The following NTAN1 variants were observed in gnomAD, a reference collection of about 807,000 sequenced individuals.
The protein encoded by NTAN1 is protein N-terminal asparagine amidohydrolase.
NTAN1 carries 32 observed loss-of-function variants against 41.9 expected under a neutral mutation model. The observed-to-expected ratio is 0.76, with a 90% CI of 0.58 to 1.03. The LOEUF (loss-of-function observed/expected upper bound fraction) is 1.03, where lower values mean the gene tolerates loss of function less well. Among genes scored for constraint, NTAN1 ranks in the 50% least tolerant of loss-of-function variants. The probability of loss-of-function intolerance (pLI) is 0.00; values close to 1 mark genes in which losing one functional copy is unlikely to be tolerated. For missense variants in NTAN1, 377 were observed against 377.5 expected (o/e 1.00, Z 0.01); for synonymous variants, 140 against 139.5 (o/e 1.00, Z -0.03).
chr16:15,042,899 ATTT>A (rs1193801850), intron 5 of NTAN1, among the ~76,000 whole-genome samples: 3 of 121,482 alleles, frequency 2.5e-5, no homozygotes, highest in Admixed American at 8.7e-5. Flanking sequence ...TGCCCAGCTA[ATTT>A]TTTTTTTTTT....
At chr16:15,039,722 A>C (rs887965998) in intron 8 of NTAN1, among the ~76,000 whole-genome samples, 1 of 152,262 alleles carries the variant, frequency 6.6e-6, no homozygotes, top group South Asian at 2.1e-4. Flanking sequence ...TTGAATTCGG[A>C]TGCTGGGGTT....
intron 7 of NTAN1, among the ~76,000 whole-genome samples, chr16:15,040,659 G>T (rs2043773987): frequency 6.6e-6 from 1 of 152,066 alleles, no homozygotes; most frequent in Non-Finnish European, 1.5e-5. Flanking sequence ...CTGTTCTCAA[G>T]CAAAACCTTC....
chr16:15,051,911 T>A (rs2044308083), intron 1 of NTAN1, among the ~76,000 whole-genome samples: 1 of 152,004 alleles, frequency 6.6e-6, no homozygotes, highest in African/African-American at 2.4e-5. Context: ...TAGCCAAACT[T>A]CCCTTCTTTG....
At position 15,047,528 on chromosome 16, in the gene NTAN1, T is replaced by A; in HGVS notation, c.273A>T (p.Thr91=). 6.2e-7 allele frequency: 1 copy of A among 1,613,872 alleles called. No individual in the cohort carries two copies. Among genetic ancestry groups the A allele is most frequent in the African/African-American group, 1.3e-5 (1 of 75,046 alleles). The change falls in exon 4 of 10, where the codon ACA becomes ACT. Residue 91 remains threonine, a synonymous_variant. Coordinates refer to ENST00000287706, the MANE Select transcript of NTAN1 (RefSeq NM_173474.4). ...CTTTGGTGTCGGTTCCGTCACAATG[T>A]GTCAAGCAGGTGGCCCCATTACCTG... ...RHTGNGATCL[T]HCDGTDTKAE...
In NTAN1 at chr16:15,056,031, G is replaced by C. The variant is rs1001284590; in HGVS notation, c.-60C>G. ...CGGCGGCCCCCCGCTTTGCAGCCCCGGGCCGCCCGCCGCCCCCGCCCCTCG... is the reference window on the plus strand; with the variant it reads ...CGGCGGCCCCCCGCTTTGCAGCCCCCGGCCGCCCGCCGCCCCCGCCCCTCG... On this transcript the variant is annotated 5_prime_UTR_variant, in exon 1 of 10. Transcript: ENST00000287706. 1.3e-5 allele frequency: 11 copies of C among 837,220 alleles called. No individual in the cohort carries two copies. Among genetic ancestry groups the C allele is most frequent in the South Asian group, 5.5e-5 (1 of 18,064 alleles). 51.9% of individuals were successfully genotyped at this position (837,220 alleles called of 1,614,324 possible).
At position 15,047,916 on chromosome 16, in the gene NTAN1, G is replaced by A; in HGVS notation, c.189C>T (p.Ser63=). The change falls in exon 3 of 10, where the codon TCC becomes TCT. Residue 63 remains serine (S), a synonymous_variant. Coordinates refer to ENST00000287706, the MANE Select transcript of NTAN1 (RefSeq NM_173474.4). ...ELAVTSPKDG[S]ISILGSDDAT... ...CATCATCAGAACCCAGAATGGAGAT[G>A]GAGCCTGTTTAAAAAAGAAATAAAA... 1 of 1,613,152 alleles carries A rather than the reference G, an allele frequency of 6.2e-7. No homozygotes were observed. The highest frequency in any genetic ancestry group is 8.5e-7 in the Non-Finnish European group (1 of 1,179,096).
rs1264667603 is a variant in NTAN1 at position 15,051,755 on chromosome 16, C to T, written c.82-3656G>A. On this transcript the variant is annotated intron_variant, in intron 1 of 9. Transcript: ENST00000287706. The stretch of plus-strand genomic sequence containing the variant: ...TCACTCTGTTGCCCAGGCTGAAGTG[C>T]TGTGGCCAGATCATAGCTCACTGCA... 3.5e-5 allele frequency among the ~76,000 whole-genome samples: 5 copies of T among 140,918 alleles called. No homozygotes were observed. In the Middle Eastern group the frequency reaches 0.013, roughly 368 times the overall value. 92.4% of individuals were successfully genotyped at this position (140,918 alleles called of 152,430 possible).
At chr16:15,051,819 G>A (rs1169037581) in intron 1 of NTAN1, among the ~76,000 whole-genome samples, 1 of 150,580 alleles carries the variant, frequency 6.6e-6, no homozygotes, top group Non-Finnish European at 1.5e-5. Context: ...TCCCACCTCA[G>A]CCTCCTTTGC....
At position 15,037,915 on chromosome 16, in the gene NTAN1, TGAG is replaced by T; in HGVS notation, c.*113_*115del. Reference sequence around the variant, plus strand: ...TTGATGAAAGTCATTTGAAAGACACTGAGGAGGGAAGGAGGCCTAAGACCCAAC... The same window carrying T: ...TTGATGAAAGTCATTTGAAAGACACTGAGGGAAGGAGGCCTAAGACCCAAC... On this transcript the variant is annotated 3_prime_UTR_variant, in exon 10 of 10. Transcript: ENST00000287706. The T allele has an allele frequency of 1.6e-6, 1 of 644,076 alleles. No homozygotes were observed. Among genetic ancestry groups the T allele is most frequent in the Admixed American group, 2.7e-5 (1 of 37,344 alleles). The allele number at this position is 644,076 out of a possible 1,614,324, so 39.9% of individuals were successfully genotyped here.
chr16:15,055,313 T>C (rs1409185823), intron 1 of NTAN1, among the ~76,000 whole-genome samples: 2 of 152,184 alleles, frequency 1.3e-5, no homozygotes, highest in Non-Finnish European at 2.9e-5. Context: ...GGCGTGGTCC[T>C]ATGGCCCAGC....
Position 15,056,016 on chromosome 16 carries a change from C to G in NTAN1, c.-45G>C, listed in dbSNP as rs902013703. The G allele has an allele frequency of 8.5e-6, 9 of 1,059,886 alleles. No individual in the cohort carries two copies. The highest frequency in any genetic ancestry group is 4.7e-5 in the Admixed American group (1 of 21,324). 65.7% of individuals were successfully genotyped at this position (1,059,886 alleles called of 1,614,324 possible). A position where few individuals can be genotyped will look rare whatever the true frequency, so the allele number is the denominator to read the frequency against. On this transcript the variant is annotated 5_prime_UTR_variant, in exon 1 of 10. Coordinates refer to ENST00000287706, the MANE Select transcript of NTAN1 (RefSeq NM_173474.4). ...GCAGGCCCAGGGAGGCGGCGGCCCC[C>G]CGCTTTGCAGCCCCGGGCCGCCCGC... is the stretch of plus-strand genomic sequence containing the variant.
At chr16:15,039,550 G>A (rs376499292) in intron 8 of NTAN1, among the ~76,000 whole-genome samples, 2 of 152,102 alleles carry the variant, frequency 1.3e-5, no homozygotes, top group Non-Finnish European at 2.9e-5. Context: ...ATTATTTTGG[G>A]TTAATTAAAT....
At chr16:15,041,598 CT>C (rs2043818657) in intron 6 of NTAN1, 24 bp downstream of exon 6, 1 of 1,580,138 alleles carries the variant, frequency 6.3e-7, no homozygotes, top group African/African-American at 1.3e-5. Context: ...CACATCTTTG[CT>C]TTGGGGCAAA....
chr16:15,049,157 G>T lies in NTAN1; in HGVS notation c.82-1058C>A, dbSNP rs569838517. On this transcript the variant is annotated intron_variant, in intron 1 of 9. Transcript: ENST00000287706. ...AATCCACCCACCCTGGCCTCCCAAA[G>T]TGCTGGGAGTACAGGCACACACCGC... is the stretch of plus-strand genomic sequence containing the variant. Among the ~76,000 whole-genome samples the T allele has an allele frequency of 1.7e-4, 25 of 150,718 alleles. No individual in the cohort carries two copies. The Middle Eastern group carries it at 0.021, about 127-fold the overall frequency.
intron 5 of NTAN1, among the ~76,000 whole-genome samples, chr16:15,043,148 C>T (rs2043898129): frequency 6.6e-6 from 1 of 152,158 alleles, no homozygotes; most frequent in South Asian, 2.1e-4. Context: ...GATCGGCCTG[C>T]CTTGAACTCC....
At position 15,052,837 on chromosome 16, in the gene NTAN1, T is replaced by A. The variant is rs192581522; in HGVS notation, c.81+3054A>T. ...AAGGCTCTGTCTCTCAAAAAAAAAATAAATAAATAAATAATAAAAGCAGGA... is the reference window on the plus strand; with the variant it reads ...AAGGCTCTGTCTCTCAAAAAAAAAAAAAATAAATAAATAATAAAAGCAGGA... On this transcript the variant is annotated intron_variant, in intron 1 of 9. Transcript: ENST00000287706. Among the ~76,000 whole-genome samples the A allele has an allele frequency of 9.7e-3, 1,467 of 151,392 alleles. 12 individuals carry two copies. The highest frequency in any genetic ancestry group is 0.024 in the Middle Eastern group (7 of 294).
rs1210041743 is a variant in NTAN1, at chr16:15,038,336, G to A, written c.754-126C>T. On this transcript the variant is annotated intron_variant, in intron 9 of 9. Coordinates refer to ENST00000287706, the MANE Select transcript of NTAN1 (RefSeq NM_173474.4). Reference sequence around the variant, plus strand: ...AATAAAATACGTTAAGAAATGAGGTGGCCTGAATTAGTAAGAAAAAAGTTG... The same window carrying A: ...AATAAAATACGTTAAGAAATGAGGTAGCCTGAATTAGTAAGAAAAAAGTTG... 226 of 693,560 alleles carry A rather than the reference G, an allele frequency of 3.3e-4. 1 individual carries two copies. Among genetic ancestry groups the A allele is most frequent in the Non-Finnish European group, 3.0e-5 (13 of 427,264 alleles). The allele number at this position is 693,560 out of a possible 1,614,324, so 43.0% of individuals were successfully genotyped here.
intron 6 of NTAN1, 146 bp downstream of exon 6, chr16:15,041,477 A>G (rs1422679085): frequency 2.7e-6 from 2 of 731,828 alleles, no homozygotes; most frequent in African/African-American, 3.4e-5. Flanking sequence ...GGGAAGGGGA[A>G]GGCCATCCCA....
intron 4 of NTAN1, chr16:15,045,623 AAAAC>A (rs1449725735): frequency 6.6e-6 from 1 of 152,510 alleles, no homozygotes; most frequent in African/African-American, 2.4e-5. Flanking sequence ...AAAACAAAAC[AAAAC>A]AAAAAGACTG....
Sources: allele counts gnomAD v4.1 joint callset (sites outside exome capture counted in the v4.1 genomes callset), GRCh38; gene constraint gnomAD v4.1.1; transcripts MANE v1.5; gene names NCBI Gene and HGNC (gene_info 2026-07-23, HGNC 2026-07-21).